Variants in SHC3 observed in about 807,000 individuals in gnomAD.
SHC3 encodes SHC-transforming protein 3.
SHC3 carries 15 observed loss-of-function variants against 60.4 expected under a neutral mutation model. The ratio of observed to expected loss-of-function variants is 0.25; its 90% CI spans 0.17 to 0.38. The LOEUF (loss-of-function observed/expected upper bound fraction) is 0.38, where lower values mean the gene tolerates loss of function less well. Among genes scored for constraint, SHC3 ranks in the 10% least tolerant of loss-of-function variants. SHC3 has a pLI of 1.00. For synonymous variants in SHC3, 294 were observed against 325.9 expected, an observed-to-expected ratio of 0.90 and a Z score of 1.05; for missense variants, 677 against 786.1, an observed-to-expected ratio of 0.86 and a Z score of 1.66.
intron 1 of SHC3, among the ~76,000 whole-genome samples, chr9:89,173,691 C>T (rs1308980586): frequency 6.6e-6 from 1 of 151,438 alleles, no homozygotes; most frequent in East Asian, 1.9e-4. Context: ...TGTGTGGGTG[C>T]ATGGTGTGTA....
Position 89,129,100 on chromosome 9 carries a change from C to T in SHC3, c.475-16474G>A, listed in dbSNP as rs755909403. Among the ~76,000 whole-genome samples, 7 of 152,098 alleles carry T rather than the reference C, an allele frequency of 4.6e-5. No homozygotes were observed. In the South Asian group the frequency reaches 6.2e-4, roughly 14 times the overall value. ...GCTAAAAACCATGGCACGAGAACTA[C>T]GTGACACATGCACAAGCTTCAGTAA... On this transcript the variant is annotated intron_variant, in intron 1 of 11. Coordinates refer to ENST00000375835, the MANE Select transcript of SHC3 (RefSeq NM_016848.6).
chr9:89,160,475 G>A (rs773230538), intron 1 of SHC3, among the ~76,000 whole-genome samples: 12 of 152,054 alleles, frequency 7.9e-5, no homozygotes, highest in African/African-American at 1.7e-4. Context: ...ATCACCCTGC[G>A]CCTCTTTAAC....
chr9:89,042,136 G>C lies in SHC3; in HGVS notation c.1250C>G (p.Pro417Arg), dbSNP rs770916298. The change falls in exon 10 of 12, where the codon CCC becomes CGC. Residue 417 changes from proline (P) to arginine (R), a missense_variant. By Grantham distance (103) the Pro-to-Arg change is moderately radical. Transcript: ENST00000375835. ...STPEGKLHVA[P>R]TGEAPTYVNT... ...GACGTAGGTGGGTGCTTCTCCCGTGGGGGCCACGTGCAGTTTCCCTTCTGG... is the reference window on the plus strand; with the variant it reads ...GACGTAGGTGGGTGCTTCTCCCGTGCGGGCCACGTGCAGTTTCCCTTCTGG... 4 of 1,565,196 alleles carry C rather than the reference G, an allele frequency of 2.6e-6. No individual in the cohort carries two copies. The African/African-American group carries it at 5.6e-5, about 22-fold the overall frequency.
chr9:89,032,133 C>T (rs1824501638), intron 11 of SHC3, among the ~76,000 whole-genome samples: 2 of 152,134 alleles, frequency 1.3e-5, no homozygotes, highest in Non-Finnish European at 2.9e-5. Flanking sequence ...CTGAGCTCTG[C>T]TGGGTTAAAC....
chr9:89,014,489 C>G (rs1473007133), intron 11 of SHC3, among the ~76,000 whole-genome samples: 1 of 152,146 alleles, frequency 6.6e-6, no homozygotes, highest in Non-Finnish European at 1.5e-5. Flanking sequence ...TTCACCCTCA[C>G]AGGCCACCCT....
chr9:89,162,375 G>A (rs1301370617), intron 1 of SHC3, among the ~76,000 whole-genome samples: 1 of 152,038 alleles, frequency 6.6e-6, no homozygotes, highest in Non-Finnish European at 1.5e-5. Flanking sequence ...AAACAGCATG[G>A]TACTGGTGAC....
intron 9 of SHC3, among the ~76,000 whole-genome samples, chr9:89,042,587 C>G (rs1824705530): frequency 1.3e-5 from 2 of 152,232 alleles, no homozygotes; most frequent in Admixed American, 1.3e-4. Flanking sequence ...CTCTTGTTTT[C>G]TTTTTAAATA....
At chr9:89,031,075 G>T (rs1324236497) in intron 11 of SHC3, among the ~76,000 whole-genome samples, 1 of 151,936 alleles carries the variant, frequency 6.6e-6, no homozygotes, top group African/African-American at 2.4e-5. Flanking sequence ...TTTTAGAGAT[G>T]GGGTCTCACT....
chr9:89,031,506 A>C (rs1483634402), intron 11 of SHC3, among the ~76,000 whole-genome samples: 1 of 152,172 alleles, frequency 6.6e-6, no homozygotes, highest in East Asian at 1.9e-4. Flanking sequence ...GTCTTTTGTC[A>C]CTAGCTTCTT....
Position 89,013,321 on chromosome 9 carries a change from T to C in SHC3, c.*126A>G. On this transcript the variant is annotated 3_prime_UTR_variant, in exon 12 of 12. Coordinates refer to ENST00000375835, the MANE Select transcript of SHC3 (RefSeq NM_016848.6). ...TGAAACTTGACCTTAAAGGAAGCCT[T>C]CCTTTTGAAGCTTTTGAAGAAGGCT... 8.1e-7 allele frequency: 1 copy of C among 1,236,662 alleles called. No homozygotes were observed. The allele number at this position is 1,236,662 out of a possible 1,614,324, so 76.6% of individuals were successfully genotyped here.
At chr9:89,099,984 C>T (rs1044843590) in intron 2 of SHC3, among the ~76,000 whole-genome samples, 4 of 152,152 alleles carry the variant, frequency 2.6e-5, no homozygotes, top group African/African-American at 4.8e-5. Flanking sequence ...CTGTGCATTT[C>T]CTATGTTTCC....
intron 2 of SHC3, chr9:89,110,551 G>A: frequency 6.4e-6 from 5 of 777,810 alleles, no homozygotes; most frequent in Non-Finnish European, 7.8e-6. Flanking sequence ...TTCTTCAACT[G>A]GATGCAAAGT....
intron 11 of SHC3, among the ~76,000 whole-genome samples, chr9:89,016,276 A>G (rs1826091852): frequency 6.6e-6 from 1 of 152,136 alleles, no homozygotes; most frequent in African/African-American, 2.4e-5. Context: ...GGAATAACGG[A>G]ATTCAACTTT....
Position 89,155,300 on chromosome 9 carries a change from G to A in SHC3, c.474+22687C>T, listed in dbSNP as rs138993717. ...GCTTGCATTCTACCCGATGCCACACGCCCTTAATTCCCGGAGCCGGCTTCT... is the reference window on the plus strand; with the variant it reads ...GCTTGCATTCTACCCGATGCCACACACCCTTAATTCCCGGAGCCGGCTTCT... On this transcript the variant is annotated intron_variant, in intron 1 of 11. Transcript: ENST00000375835. 1.4e-4 allele frequency among the ~76,000 whole-genome samples: 22 copies of A among 152,254 alleles called. No individual in the cohort carries two copies. In the East Asian group the frequency reaches 4.1e-3, roughly 28 times the overall value.
intron 2 of SHC3, among the ~76,000 whole-genome samples, chr9:89,096,313 G>C (rs1385117265): frequency 1.3e-5 from 2 of 152,180 alleles, no homozygotes; most frequent in Admixed American, 1.3e-4. Flanking sequence ...CATGAGGCAG[G>C]CTCCATCCAA....
At chr9:89,081,618 CT>C (rs1337556606) in intron 2 of SHC3, among the ~76,000 whole-genome samples, 5 of 152,078 alleles carry the variant, frequency 3.3e-5, no homozygotes, top group African/African-American at 9.7e-5. Context: ...TCCCACCCCC[CT>C]AGTCCTTTCT....
intron 1 of SHC3, among the ~76,000 whole-genome samples, chr9:89,161,567 G>C (rs1398167011): frequency 2.0e-5 from 3 of 152,114 alleles, no homozygotes; most frequent in Non-Finnish European, 4.4e-5. Flanking sequence ...TGTCAGCTCA[G>C]GCTGCCATAA....
chr9:89,109,174 A>G, intron 2 of SHC3: 1 of 960,812 alleles, frequency 1.0e-6, no homozygotes, highest in Non-Finnish European at 1.2e-6. Flanking sequence ...GCCTGTCTTA[A>G]TACTGCACAA....
rs533779335 is a variant in SHC3 at position 89,094,974 on chromosome 9, AAAC to A, written c.546-17074_546-17072del. ...ACCAAACAAACAAACAAAAAACAGG[AAAC>A]AACAAGTGTTGGCAAGAATGTGGAG... On this transcript the variant is annotated intron_variant, in intron 2 of 11. Coordinates refer to ENST00000375835, the MANE Select transcript of SHC3 (RefSeq NM_016848.6). Among the ~76,000 whole-genome samples, 7 of 152,320 alleles carry A rather than the reference AAAC, an allele frequency of 4.6e-5. No homozygotes were observed. In the East Asian group the frequency reaches 1.3e-3, roughly 29 times the overall value.
Sources: allele counts gnomAD v4.1 joint callset (sites outside exome capture counted in the v4.1 genomes callset), GRCh38; gene constraint gnomAD v4.1.1; transcripts MANE v1.5; gene names NCBI Gene and HGNC (gene_info 2026-07-23, HGNC 2026-07-21).